The following TENM3 variants were observed in gnomAD, a reference collection of about 807,000 sequenced individuals.
The protein encoded by TENM3 is teneurin-3.
Under a neutral mutation model 255.1 loss-of-function variants are expected in TENM3, and 63 were observed. That is an observed-to-expected ratio of 0.25 (90% CI 0.20 to 0.30). The LOEUF (loss-of-function observed/expected upper bound fraction) is 0.30, where lower values mean the gene tolerates loss of function less well. TENM3 is among the 10% of genes least tolerant of loss of function. The pLI is 1.00. For missense variants in TENM3, 2,929 were observed against 3,461.1 expected, an observed-to-expected ratio of 0.85 and a Z score of 3.86; for synonymous variants, 1,306 against 1,322.3, an observed-to-expected ratio of 0.99 and a Z score of 0.27.
intron 1 of TENM3, among the ~76,000 whole-genome samples, chr4:182,213,707 G>A (rs1268104550): frequency 1.3e-5 from 2 of 152,106 alleles, no homozygotes; most frequent in Non-Finnish European, 2.9e-5. Context: ...AATTCTGAGC[G>A]ACAAACAAAC....
chr4:182,301,900 C>T (rs1397110458), intron 1 of TENM3, among the ~76,000 whole-genome samples: 2 of 152,180 alleles, frequency 1.3e-5, no homozygotes, highest in African/African-American at 4.8e-5. Context: ...CGATCCAGTT[C>T]TGCAGAAGGG....
chr4:181,452,175 A>G, the TENM3 span, among the ~76,000 whole-genome samples: 1 of 152,214 alleles, frequency 6.6e-6, no homozygotes, highest in Admixed American at 6.5e-5. Flanking sequence ...GGCAAAATCC[A>G]TATTGAAGAT....
chr4:182,704,028 G>C (rs1273979413), intron 12 of TENM3, among the ~76,000 whole-genome samples: 1 of 151,380 alleles, frequency 6.6e-6, no homozygotes, highest in Non-Finnish European at 1.5e-5. Flanking sequence ...TTGTATTATA[G>C]TTTTTTTTAA....
At chr4:182,530,919 A>C (rs1560881243) in intron 3 of TENM3, among the ~76,000 whole-genome samples, 1 of 152,236 alleles carries the variant, frequency 6.6e-6, no homozygotes, top group Non-Finnish European at 1.5e-5. Flanking sequence ...GGTGGAAATC[A>C]AATCGTTTTT....
the TENM3 span, among the ~76,000 whole-genome samples, chr4:182,086,267 G>A: frequency 1.3e-5 from 2 of 152,040 alleles, no homozygotes; most frequent in African/African-American, 4.8e-5. Context: ...ACCCAGACAC[G>A]GCATCTCAGA....
chr4:182,034,374 C>G, the TENM3 span, among the ~76,000 whole-genome samples: 7 of 152,254 alleles, frequency 4.6e-5, no homozygotes, highest in Admixed American at 2.0e-4. Context: ...GGGCATTTAG[C>G]CCACTTGCAT....
At chr4:181,699,938 C>A in the TENM3 span, among the ~76,000 whole-genome samples, 1 of 152,074 alleles carries the variant, frequency 6.6e-6, no homozygotes, top group Non-Finnish European at 1.5e-5. Context: ...GACAAATGAG[C>A]GTAGCATTCC....
chr4:182,526,814 C>T (rs920160226), intron 3 of TENM3, among the ~76,000 whole-genome samples: 4 of 152,120 alleles, frequency 2.6e-5, no homozygotes, highest in Non-Finnish European at 5.9e-5. Context: ...AGGTAGCTAC[C>T]GTTCTCATGC....
chr4:182,312,902 C>A (rs945806218), intron 1 of TENM3, among the ~76,000 whole-genome samples: 1 of 152,164 alleles, frequency 6.6e-6, no homozygotes, highest in Non-Finnish European at 1.5e-5. Context: ...GACCTCTTCC[C>A]TGTAGTTATT....
At chr4:181,849,949 T>TCACACA in the TENM3 span, among the ~76,000 whole-genome samples, 22 of 65,948 alleles carry the variant, frequency 3.3e-4, no homozygotes, top group South Asian at 7.8e-4. Flanking sequence ...TCTCTCTCTC[T>TCACACA]CACACACACA....
intron 24 of TENM3, 116 bp downstream of exon 24, chr4:182,775,269 C>T (rs187742996): frequency 1.1e-6 from 1 of 900,314 alleles, no homozygotes; most frequent in African/African-American, 1.6e-5. Flanking sequence ...GTATGAGCAC[C>T]TCGCTCAGTG....
chr4:181,649,773 T>C, the TENM3 span, among the ~76,000 whole-genome samples: 2 of 152,326 alleles, frequency 1.3e-5, no homozygotes, highest in South Asian at 2.1e-4. Flanking sequence ...GGATAAATAA[T>C]GTTTGACAGT....
intron 3 of TENM3, among the ~76,000 whole-genome samples, chr4:182,528,637 T>C (rs142431511): frequency 0.013 from 1,962 of 152,302 alleles, 22 homozygotes; most frequent in Middle Eastern, 0.031. Context: ...AAATTATGCA[T>C]TAAACAAACC....
intron 3 of TENM3, among the ~76,000 whole-genome samples, chr4:182,564,209 G>A (rs1430778785): frequency 6.6e-6 from 1 of 151,742 alleles, no homozygotes; most frequent in Non-Finnish European, 1.5e-5. Context: ...TTAGCTTAAA[G>A]TATCAGAAAG....
At chr4:182,196,153 C>T (rs1284541820) in intron 1 of TENM3, among the ~76,000 whole-genome samples, 2 of 152,092 alleles carry the variant, frequency 1.3e-5, no homozygotes, top group African/African-American at 4.8e-5. Context: ...TTCATCCCCA[C>T]GCCATCCCCC....
At chr4:181,451,032 C>T in the TENM3 span, among the ~76,000 whole-genome samples, 1 of 152,114 alleles carries the variant, frequency 6.6e-6, no homozygotes, top group African/African-American at 2.4e-5. Flanking sequence ...CTATCATCAC[C>T]GTTTGTTCTG....
chr4:182,653,731 G>A, intron 5 of TENM3, 40 bp from the exon 6 acceptor site: 1 of 1,555,012 alleles, frequency 6.4e-7, no homozygotes, highest in Non-Finnish European at 8.7e-7. Flanking sequence ...TGTAGCTGAA[G>A]GCAGCAGATC....
chr4:182,621,642 A>T (rs1445017283), intron 4 of TENM3, among the ~76,000 whole-genome samples: 39,859 of 104,996 alleles, frequency 0.38, 9,060 homozygotes, highest in Middle Eastern at 0.46. Flanking sequence ...ATAATATATA[A>T]TACATATTAT....
At chr4:182,157,126 G>A (rs1228731950) in intron 1 of TENM3, among the ~76,000 whole-genome samples, 1 of 152,208 alleles carries the variant, frequency 6.6e-6, no homozygotes, top group Non-Finnish European at 1.5e-5. Flanking sequence ...GCAGTGCCTT[G>A]AAACTCTGAG....
Sources: allele counts gnomAD v4.1 joint callset (sites outside exome capture counted in the v4.1 genomes callset), GRCh38; gene constraint gnomAD v4.1.1; transcripts MANE v1.5; gene names NCBI Gene and HGNC (gene_info 2026-07-23, HGNC 2026-07-21).